ORC4: variants seen among roughly 807,000 people sequenced by gnomAD.
ORC4 encodes the protein origin recognition complex subunit 4.
Under a neutral mutation model 63.9 loss-of-function variants are expected in ORC4, and 55 were observed. The ratio of observed to expected loss-of-function variants is 0.86; its 90% CI spans 0.69 to 1.08. The LOEUF is 1.08. Among genes scored for constraint, ORC4 ranks in the 50% least tolerant of loss-of-function variants. The pLI, the probability that ORC4 is intolerant of heterozygous loss-of-function variation, is 0.00. For missense variants in ORC4, 511 were observed against 504.4 expected (o/e 1.01, Z -0.13); for synonymous variants, 150 against 168.5 (o/e 0.89, Z 0.85).
rs1385639543 is a variant in ORC4 at position 147,931,227 on chromosome 2, G to A, written c.*4283C>T. 1.3e-5 allele frequency: 2 copies of A among 151,464 alleles called. No homozygotes were observed. The highest frequency in any genetic ancestry group is 2.9e-5 in the Non-Finnish European group (2 of 67,896). The allele number at this position is 151,464 out of a possible 1,614,324, so 9.4% of individuals were successfully genotyped here. A position where few individuals can be genotyped will look rare whatever the true frequency, so the allele number is the denominator to read the frequency against. On this transcript the variant is annotated 3_prime_UTR_variant, in exon 14 of 14. Coordinates refer to ENST00000392857, the MANE Select transcript of ORC4 (RefSeq NM_181741.4). ...CTGCATAGTATTCCATGGTGTATAT[G>A]TGCCACGTTTTCTTAATCCAGTCTA...
chr2:147,950,209 G>T (rs1558836227), intron 8 of ORC4, among the ~76,000 whole-genome samples: 1 of 152,114 alleles, frequency 6.6e-6, no homozygotes, highest in African/African-American at 2.4e-5. Flanking sequence ...ACCCATATAG[G>T]TAGACAGTGG....
At chr2:147,952,604 A>C in intron 7 of ORC4, 80 bp from the exon 8 acceptor site, 1 of 1,147,906 alleles carries the variant, frequency 8.7e-7, no homozygotes. Flanking sequence ...ACTATATTTC[A>C]GTTTTTAAAA....
intron 7 of ORC4, among the ~76,000 whole-genome samples, chr2:147,953,383 G>A: frequency 6.6e-6 from 1 of 152,022 alleles, no homozygotes; most frequent in Non-Finnish European, 1.5e-5. Flanking sequence ...TCATTTAAAT[G>A]ACTAAAGACT....
chr2:147,939,321 G>T, intron 10 of ORC4, 73 bp from the exon 11 acceptor site: 1 of 869,406 alleles, frequency 1.2e-6, no homozygotes, highest in Non-Finnish European at 2.0e-6. Context: ...CAAAACTTCT[G>T]AATTTGTATA....
At chr2:147,945,048 T>C (rs765593886) in intron 9 of ORC4, among the ~76,000 whole-genome samples, 5 of 152,084 alleles carry the variant, frequency 3.3e-5, no homozygotes, top group Non-Finnish European at 5.9e-5. Flanking sequence ...GTTTTAAAAT[T>C]GCAATATGGA....
At chr2:148,005,847 G>A (rs1301867266) in intron 1 of ORC4, among the ~76,000 whole-genome samples, 1 of 151,954 alleles carries the variant, frequency 6.6e-6, no homozygotes, top group Non-Finnish European at 1.5e-5. Context: ...ATGGTGGCAT[G>A]TGCCTGTAGT....
intron 1 of ORC4, among the ~76,000 whole-genome samples, chr2:147,984,942 A>G (rs537094477): frequency 6.6e-6 from 1 of 152,274 alleles, no homozygotes; most frequent in Admixed American, 6.5e-5. Flanking sequence ...GAGGTGGCTT[A>G]TTTATTGTAA....
At chr2:147,950,465 A>T (rs920205781) in intron 8 of ORC4, among the ~76,000 whole-genome samples, 1 of 152,184 alleles carries the variant, frequency 6.6e-6, no homozygotes, top group Non-Finnish European at 1.5e-5. Flanking sequence ...ACGTGGATAC[A>T]CAGATAAAAT....
chr2:148,011,019 G>A (rs145975583), intron 1 of ORC4, among the ~76,000 whole-genome samples: 520 of 151,824 alleles, frequency 3.4e-3, no homozygotes, highest in East Asian at 8.4e-3. Context: ...TGTAGAGATG[G>A]GGTTTCACCA....
intron 4 of ORC4, among the ~76,000 whole-genome samples, chr2:147,970,034 T>A (rs1690122169): frequency 6.6e-6 from 1 of 152,000 alleles, no homozygotes; most frequent in African/African-American, 2.4e-5. Context: ...CAAGCAAATA[T>A]AGAAAAGCCA....
intron 4 of ORC4, among the ~76,000 whole-genome samples, chr2:147,968,224 A>C (rs1224883652): frequency 6.6e-6 from 1 of 152,120 alleles, no homozygotes; most frequent in Non-Finnish European, 1.5e-5. Context: ...ACTTCAGGAC[A>C]CTAGTCTAGG....
chr2:147,983,811 G>C (rs1691030221), intron 1 of ORC4, among the ~76,000 whole-genome samples: 1 of 152,190 alleles, frequency 6.6e-6, no homozygotes, highest in African/African-American at 2.4e-5. Context: ...ACGGCAAAAA[G>C]GGTGGGGAGT....
chr2:148,005,847 G>C (rs1301867266), intron 1 of ORC4, among the ~76,000 whole-genome samples: 1 of 151,954 alleles, frequency 6.6e-6, no homozygotes, highest in African/African-American at 2.4e-5. Context: ...ATGGTGGCAT[G>C]TGCCTGTAGT....
chr2:147,955,985 A>C (rs1332622707), intron 6 of ORC4, among the ~76,000 whole-genome samples: 2 of 152,084 alleles, frequency 1.3e-5, no homozygotes, highest in Admixed American at 6.6e-5. Context: ...GAATATAGCC[A>C]AAACATTTTT....
At chr2:148,005,449 T>C (rs1247175468) in intron 1 of ORC4, among the ~76,000 whole-genome samples, 3 of 151,946 alleles carry the variant, frequency 2.0e-5, no homozygotes, top group Non-Finnish European at 4.4e-5. Flanking sequence ...AAATACCTAA[T>C]GTAGATGACA....
chr2:147,973,501 T>C lies in ORC4; in HGVS notation c.81A>G (p.Arg27=). 1.2e-6 allele frequency: 2 copies of C among 1,601,076 alleles called. No individual in the cohort carries two copies. Among genetic ancestry groups the C allele is most frequent in the Non-Finnish European group, 8.6e-7 (1 of 1,169,144 alleles). Residue 27 remains arginine, a synonymous_variant, in exon 3 of 14, where the codon AGA becomes AGG. Transcript: ENST00000392857. The stretch of plus-strand genomic sequence containing the variant: ...TACTATGTGGACTCTGACGACAAAA[T>C]CTTTCACGTAAAATTCTTTGTACCT... ...LSQVQRILRE[R]FCRQSPHSNL...
intron 1 of ORC4, among the ~76,000 whole-genome samples, chr2:147,988,316 T>A (rs375613312): frequency 2.6e-5 from 4 of 151,844 alleles, no homozygotes; most frequent in East Asian, 3.9e-4. Flanking sequence ...AATGTAGGTA[T>A]ATGAATCCAG....
chr2:148,016,380 T>A (rs1395993633), intron 1 of ORC4, among the ~76,000 whole-genome samples: 1 of 152,184 alleles, frequency 6.6e-6, no homozygotes, highest in Admixed American at 6.5e-5. Flanking sequence ...AACCATTACA[T>A]CTGAGAAGTA....
intron 1 of ORC4, among the ~76,000 whole-genome samples, chr2:147,988,435 C>T (rs1376448542): frequency 6.6e-6 from 1 of 151,652 alleles, no homozygotes; most frequent in African/African-American, 2.4e-5. Flanking sequence ...TCTTGGCTCA[C>T]TGCAACCTCC....
Sources: gnomAD v4.1 joint callset for allele counts (sites outside exome capture counted in the v4.1 genomes callset) on GRCh38, gnomAD v4.1.1 for gene constraint, MANE v1.5 for transcripts, NCBI Gene and HGNC (gene_info 2026-07-23, HGNC 2026-07-21) for gene names.